EPHA6: variants seen among roughly 807,000 people sequenced by gnomAD.
EPHA6 encodes the protein EPH receptor A6, also known as ephrin type-A receptor 6.
In EPHA6, 50 loss-of-function variants were observed where a neutral mutation model predicts 112.0. The ratio of observed to expected loss-of-function variants is 0.45; its 90% CI spans 0.36 to 0.56. EPHA6 has a LOEUF of 0.56. Ranked by LOEUF, EPHA6 falls within the 20% of genes least tolerant of loss-of-function variation. The pLI, the probability that EPHA6 is intolerant of heterozygous loss-of-function variation, is 0.00. For synonymous variants in EPHA6, 529 were observed against 490.7 expected, an observed-to-expected ratio of 1.08 and a Z score of -1.03; for missense variants, 1,280 against 1,417.4, an observed-to-expected ratio of 0.90 and a Z score of 1.56.
In EPHA6 at chr3:97,308,644, C is replaced by T. The variant is rs560552468; in HGVS notation, c.1606+64357C>T. ...TCCACACAGAAAAATAAAATGAATA[C>T]TCCCTCTCTGTACTCTGCAACAGAA... On this transcript the variant is annotated intron_variant, in intron 5 of 17. Coordinates refer to ENST00000389672, the MANE Select transcript of EPHA6 (RefSeq NM_001080448.3). Among the ~76,000 whole-genome samples, 105 of 151,846 alleles carry T rather than the reference C, an allele frequency of 6.9e-4. 1 individual carries two copies. Among genetic ancestry groups the T allele is most frequent in the Middle Eastern group, 3.4e-3 (1 of 294 alleles).
intron 1 of EPHA6, among the ~76,000 whole-genome samples, chr3:96,830,131 A>G (rs1312467957): frequency 6.6e-6 from 1 of 152,090 alleles, no homozygotes; most frequent in African/African-American, 2.4e-5. Context: ...TATTTTTTCT[A>G]CTATAATTCA....
At chr3:96,818,851 G>A (rs936052416) in intron 1 of EPHA6, among the ~76,000 whole-genome samples, 1 of 151,866 alleles carries the variant, frequency 6.6e-6, no homozygotes, top group African/African-American at 2.4e-5. Flanking sequence ...ACTATTTATA[G>A]TTGTAAGGGT....
chr3:97,654,619 C>A (rs931376019), intron 14 of EPHA6, among the ~76,000 whole-genome samples: 1 of 151,546 alleles, frequency 6.6e-6, no homozygotes, highest in African/African-American at 2.4e-5. Flanking sequence ...GTAAAGGTAC[C>A]AGCCAGGAAA....
chr3:97,658,309 T>C (rs2094148581), intron 14 of EPHA6, among the ~76,000 whole-genome samples: 1 of 151,864 alleles, frequency 6.6e-6, no homozygotes, highest in Non-Finnish European at 1.5e-5. Context: ...CTTTAATGTA[T>C]CCATGACAAT....
chr3:96,867,624 TCA>T lies in EPHA6; in HGVS notation c.450+738_450+739del, dbSNP rs374510135. On this transcript the variant is annotated intron_variant, in intron 2 of 17. Transcript: ENST00000389672. ...TCAAAATATTGAATAATAGAGGCAG[TCA>T]CATGTTTTCAGATACACTTGGGTTA... Among the ~76,000 whole-genome samples the T allele has an allele frequency of 2.0e-3, 305 of 151,984 alleles. 2 individuals are homozygous for T. Among genetic ancestry groups the T allele is most frequent in the African/African-American group, 7.0e-3 (290 of 41,538 alleles).
At chr3:97,418,262 A>T (rs539126818) in intron 6 of EPHA6, among the ~76,000 whole-genome samples, 2 of 152,032 alleles carry the variant, frequency 1.3e-5, no homozygotes, top group East Asian at 1.9e-4. Context: ...ACATTTAAAA[A>T]ATCTAACAAT....
rs141736236 is a variant in EPHA6, at chr3:97,632,605, G to A, written c.2575-5268G>A. On this transcript the variant is annotated intron_variant, in intron 13 of 17. Transcript: ENST00000389672. ...TTGAGGATTCAGCAAGGGCCTCCTGGAAGAGATAATACGAGTCACAAAAAA... is the reference window on the plus strand; with the variant it reads ...TTGAGGATTCAGCAAGGGCCTCCTGAAAGAGATAATACGAGTCACAAAAAA... Among the ~76,000 whole-genome samples the A allele has an allele frequency of 3.3e-5, 5 of 152,066 alleles. No individual in the cohort carries two copies. The East Asian group carries it at 9.7e-4, about 30-fold the overall frequency.
chr3:96,835,774 TTTC>T (rs1219475967), intron 1 of EPHA6, among the ~76,000 whole-genome samples: 1 of 152,108 alleles, frequency 6.6e-6, no homozygotes, highest in Non-Finnish European at 1.5e-5. Context: ...TTTGGATACC[TTTC>T]TTCTTACTCT....
intron 1 of EPHA6, among the ~76,000 whole-genome samples, chr3:96,822,654 G>T (rs1395005498): frequency 2.7e-5 from 4 of 150,914 alleles, no homozygotes; most frequent in African/African-American, 7.3e-5. Context: ...TATCTATGTG[G>T]ATATCTGGAT....
chr3:97,132,126 T>C (rs909815389), intron 3 of EPHA6, among the ~76,000 whole-genome samples: 1 of 152,036 alleles, frequency 6.6e-6, no homozygotes, highest in African/African-American at 2.4e-5. Context: ...AAACAACAAA[T>C]ATGTACATAT....
At chr3:97,659,836 A>C (rs551582329) in intron 14 of EPHA6, among the ~76,000 whole-genome samples, 9 of 152,168 alleles carry the variant, frequency 5.9e-5, no homozygotes, top group Non-Finnish European at 8.8e-5. Flanking sequence ...ATGCTTTAAT[A>C]TATATCATCA....
In EPHA6 at chr3:97,013,773, C is replaced by G. The variant is rs557310116; in HGVS notation, c.1114+25780C>G. 1.4e-4 allele frequency among the ~76,000 whole-genome samples: 21 copies of G among 152,222 alleles called. No homozygotes were observed. In the East Asian group the frequency reaches 4.1e-3, roughly 29 times the overall value. On this transcript the variant is annotated intron_variant, in intron 3 of 17. Transcript: ENST00000389672. ...GATATTTCTAAAATAAGTAATATAT[C>G]TTATCTGCTTAAGATATAAACAAGA...
intron 5 of EPHA6, among the ~76,000 whole-genome samples, chr3:97,366,830 G>A (rs931289126): frequency 6.6e-6 from 1 of 152,026 alleles, no homozygotes; most frequent in Admixed American, 6.6e-5. Flanking sequence ...GTTTGAAAAC[G>A]GCATACCCTT....
At chr3:97,669,128 A>G (rs1162140601) in intron 14 of EPHA6, among the ~76,000 whole-genome samples, 3 of 151,938 alleles carry the variant, frequency 2.0e-5, no homozygotes, top group East Asian at 1.9e-4. Flanking sequence ...CCAAAGGTAC[A>G]CTAACTGTAG....
chr3:97,599,932 T>A (rs2093629156), intron 12 of EPHA6, among the ~76,000 whole-genome samples: 1 of 152,154 alleles, frequency 6.6e-6, no homozygotes, highest in African/African-American at 2.4e-5. Flanking sequence ...TTGTATCCTC[T>A]TTTATTTCCT....
chr3:97,295,468 T>C (rs530304526), intron 5 of EPHA6, among the ~76,000 whole-genome samples: 1 of 152,256 alleles, frequency 6.6e-6, no homozygotes, highest in African/African-American at 2.4e-5. Context: ...ATCATCCATA[T>C]CCCTAATTGA....
chr3:97,679,981 G>A (rs976028178), intron 14 of EPHA6, among the ~76,000 whole-genome samples: 2 of 152,082 alleles, frequency 1.3e-5, no homozygotes, highest in East Asian at 1.9e-4. Flanking sequence ...GCTGCTACAC[G>A]GTGTTCTGTT....
At chr3:97,645,055 C>T (rs1292678155) in intron 14 of EPHA6, among the ~76,000 whole-genome samples, 2 of 152,000 alleles carry the variant, frequency 1.3e-5, no homozygotes, top group South Asian at 2.1e-4. Context: ...ACTGGCAAAA[C>T]GAATCCAGCA....
At chr3:97,539,909 A>G (rs1364012583) in intron 11 of EPHA6, among the ~76,000 whole-genome samples, 1 of 152,168 alleles carries the variant, frequency 6.6e-6, no homozygotes, top group Non-Finnish European at 1.5e-5. Context: ...TGACCAGGAA[A>G]TAATAGAAAG....
Sources: allele counts gnomAD v4.1 joint callset (sites outside exome capture counted in the v4.1 genomes callset), GRCh38; gene constraint gnomAD v4.1.1; transcripts MANE v1.5; gene names NCBI Gene and HGNC (gene_info 2026-07-23, HGNC 2026-07-21).